MEIS1: variants seen among roughly 807,000 people sequenced by gnomAD.
MEIS1 encodes Meis homeobox 1.
MEIS1 carries 5 observed loss-of-function variants against 50.8 expected under a neutral mutation model. The observed-to-expected ratio is 0.10, with a 90% CI of 0.05 to 0.21. MEIS1 has a LOEUF of 0.21. MEIS1 is among the 10% of genes least tolerant of loss of function. The probability of loss-of-function intolerance (pLI) is 1.00; values close to 1 mark genes in which losing one functional copy is unlikely to be tolerated. For missense variants in MEIS1, 318 were observed against 517.3 expected (o/e 0.61, Z 3.74); for synonymous variants, 176 against 179.3 (o/e 0.98, Z 0.15).
At chr2:66,554,155 G>A (rs899794367) in intron 9 of MEIS1, among the ~76,000 whole-genome samples, 1 of 152,232 alleles carries the variant, frequency 6.6e-6, no homozygotes, top group Non-Finnish European at 1.5e-5. Context: ...AGAGTTGAGT[G>A]AGTTGGGAGA....
chr2:66,457,084 G>GA (rs11293349), intron 6 of MEIS1, among the ~76,000 whole-genome samples: 39 of 136,476 alleles, frequency 2.9e-4, no homozygotes, highest in East Asian at 1.1e-3. Flanking sequence ...CCTGTGTTAA[G>GA]AAAAAAAAAA....
intron 7 of MEIS1, among the ~76,000 whole-genome samples, chr2:66,480,303 C>T (rs1048473720): frequency 6.6e-6 from 1 of 152,132 alleles, no homozygotes; most frequent in Non-Finnish European, 1.5e-5. Context: ...ATTTCCCTGG[C>T]TACTCAGGAT....
In MEIS1 at chr2:66,437,917, T is replaced by A. The variant is rs1329905600; in HGVS notation, c.193T>A (p.Ser65Thr). Reference sequence around the variant, plus strand: ...CAACGCCATGGCCCCCAGCATGGGCTCCTCTGTCAATGACGCTTTAAAGAG... The same window carrying A: ...CAACGCCATGGCCCCCAGCATGGGCACCTCTGTCAATGACGCTTTAAAGAG... ...HTNAMAPSMG[S>T]SVNDALKRDK... Residue 65 changes from serine to threonine, a missense_variant, in exon 2 of 13, where the codon TCC becomes ACC. Transcript: ENST00000272369. 6.2e-7 allele frequency: 1 copy of A among 1,603,100 alleles called. No individual in the cohort carries two copies.
At chr2:66,520,125 G>T (rs1487948565) in intron 8 of MEIS1, among the ~76,000 whole-genome samples, 1 of 151,898 alleles carries the variant, frequency 6.6e-6, no homozygotes, top group African/African-American at 2.4e-5. Context: ...AAAGATCAAG[G>T]TCATTTCTGT....
At chr2:66,466,626 A>G (rs1297234729) in intron 7 of MEIS1, among the ~76,000 whole-genome samples, 1 of 152,218 alleles carries the variant, frequency 6.6e-6, no homozygotes, top group Non-Finnish European at 1.5e-5. Flanking sequence ...TCTGGCAGGC[A>G]TGGATGTGTA....
chr2:66,463,222 A>T (rs1326842772), intron 6 of MEIS1, among the ~76,000 whole-genome samples: 4 of 151,374 alleles, frequency 2.6e-5, no homozygotes, highest in Non-Finnish European at 5.9e-5. Flanking sequence ...CTGTTTTCCC[A>T]CTAATAATCT....
chr2:66,569,202 C>G, intron 12 of MEIS1, 57 bp downstream of exon 12: 1 of 1,441,042 alleles, frequency 6.9e-7, no homozygotes, highest in Non-Finnish European at 9.6e-7. Flanking sequence ...TTTCCTCTTG[C>G]ATTTTCTTAT....
chr2:66,531,574 G>A (rs1434042151), intron 8 of MEIS1, among the ~76,000 whole-genome samples: 1 of 152,162 alleles, frequency 6.6e-6, no homozygotes, highest in Non-Finnish European at 1.5e-5. Context: ...GGTGTATTGC[G>A]GACATTTCTG....
chr2:66,535,813 C>A (rs1359227339), intron 8 of MEIS1, among the ~76,000 whole-genome samples: 1 of 151,862 alleles, frequency 6.6e-6, no homozygotes, highest in Non-Finnish European at 1.5e-5. Context: ...GGGGAATTCC[C>A]TTTAGTTTGA....
At chr2:66,558,104 A>T (rs1403539956) in intron 9 of MEIS1, among the ~76,000 whole-genome samples, 1 of 151,360 alleles carries the variant, frequency 6.6e-6, no homozygotes, top group Non-Finnish European at 1.5e-5. Flanking sequence ...ACATAGAAAA[A>T]CCCCGTCTCT....
intron 7 of MEIS1, among the ~76,000 whole-genome samples, chr2:66,469,145 A>G (rs1207022334): frequency 6.6e-6 from 1 of 152,080 alleles, no homozygotes; most frequent in Non-Finnish European, 1.5e-5. Flanking sequence ...CCCACTTATG[A>G]ACTTCTCCTT....
intron 8 of MEIS1, among the ~76,000 whole-genome samples, chr2:66,519,568 G>A (rs1265331497): frequency 6.6e-6 from 1 of 152,086 alleles, no homozygotes; most frequent in Non-Finnish European, 1.5e-5. Context: ...AGATGAAAGG[G>A]TTATGCTACG....
At chr2:66,548,762 C>T (rs1379154297) in intron 9 of MEIS1, among the ~76,000 whole-genome samples, 4 of 152,142 alleles carry the variant, frequency 2.6e-5, no homozygotes, top group Admixed American at 6.5e-5. Context: ...TGAAGGGTAT[C>T]GAAATCCAAT....
intron 2 of MEIS1, chr2:66,439,298 G>T (rs1003011240): frequency 4.5e-6 from 5 of 1,111,708 alleles, no homozygotes; most frequent in Admixed American, 4.9e-5. Flanking sequence ...GGGCCTTGGG[G>T]TTGGGATCCC....
chr2:66,476,520 C>G (rs1484178013), intron 7 of MEIS1, among the ~76,000 whole-genome samples: 2 of 152,152 alleles, frequency 1.3e-5, no homozygotes, highest in Non-Finnish European at 2.9e-5. Flanking sequence ...AATCAAGAAA[C>G]TGACAGTCTG....
intron 7 of MEIS1, among the ~76,000 whole-genome samples, chr2:66,510,716 T>G (rs1673807264): frequency 6.6e-6 from 1 of 152,188 alleles, no homozygotes; most frequent in African/African-American, 2.4e-5. Context: ...GGAATGCTTT[T>G]CTTTTCTTTT....
chr2:66,548,926 A>G (rs919604438), intron 9 of MEIS1, among the ~76,000 whole-genome samples: 2 of 152,210 alleles, frequency 1.3e-5, no homozygotes, highest in African/African-American at 4.8e-5. Flanking sequence ...GTTTGCAGAC[A>G]GAAGTATTTC....
intron 6 of MEIS1, chr2:66,461,712 T>C: frequency 3.2e-6 from 1 of 314,968 alleles, no homozygotes; most frequent in South Asian, 2.9e-5. Context: ...CATGAATTCC[T>C]GTATAATGTG....
At chr2:66,442,516 C>T (rs778291985) in intron 5 of MEIS1, among the ~76,000 whole-genome samples, 1 of 151,992 alleles carries the variant, frequency 6.6e-6, no homozygotes, top group Admixed American at 6.6e-5. Flanking sequence ...TATATACACA[C>T]GTATACATTT....
Sources: gnomAD v4.1 joint callset for allele counts (sites outside exome capture counted in the v4.1 genomes callset) on GRCh38, gnomAD v4.1.1 for gene constraint, MANE v1.5 for transcripts, NCBI Gene and HGNC (gene_info 2026-07-23, HGNC 2026-07-21) for gene names.